EFHC2: variants seen among roughly 807,000 people sequenced by gnomAD.
The protein encoded by EFHC2 is EF-hand domain-containing family member C2.
In EFHC2, 18 loss-of-function variants were observed where a neutral mutation model predicts 52.7. The observed-to-expected ratio is 0.34, with a 90% CI of 0.24 to 0.51. The LOEUF (loss-of-function observed/expected upper bound fraction) is 0.51. Ranked by LOEUF, EFHC2 falls within the 20% of genes least tolerant of loss-of-function variation. EFHC2 has a pLI of 0.97. For missense variants in EFHC2, 513 were observed against 562.5 expected, an observed-to-expected ratio of 0.91 and a Z score of 0.89; for synonymous variants, 203 against 204.1, an observed-to-expected ratio of 0.99 and a Z score of 0.04.
chrX:44,301,393 T>C (rs1369013231), intron 2 of EFHC2, among the ~76,000 whole-genome samples: 2 of 111,092 alleles, frequency 1.8e-5, no homozygotes, highest in African/African-American at 6.5e-5. Context: ...TTGAGTAATA[T>C]TAAAACTCTG....
At chrX:44,331,414 A>G (rs1039054924) in intron 1 of EFHC2, among the ~76,000 whole-genome samples, 1 of 111,913 alleles carries the variant, frequency 8.9e-6, no homozygotes, top group African/African-American at 3.3e-5. Flanking sequence ...AGGTGTGGTT[A>G]TAAAAGGACA....
intron 11 of EFHC2, among the ~76,000 whole-genome samples, chrX:44,183,813 T>G (rs1377872879): frequency 1.8e-5 from 2 of 110,950 alleles, no homozygotes; most frequent in Non-Finnish European, 3.8e-5. Flanking sequence ...AAAAAAGGGG[T>G]CACTGTAGAC....
chrX:44,327,378 G>A (rs2038059474), intron 1 of EFHC2, among the ~76,000 whole-genome samples: 1 of 111,453 alleles, frequency 9.0e-6, no homozygotes, highest in South Asian at 3.8e-4. Context: ...CTGGAAATTT[G>A]GGAATTGAAG....
chrX:44,202,156 A>C (rs938534777), intron 11 of EFHC2, among the ~76,000 whole-genome samples: 1 of 112,533 alleles, frequency 8.9e-6, no homozygotes, highest in Non-Finnish European at 1.9e-5. Flanking sequence ...AATTCAAAAA[A>C]TAAAATGAGA....
intron 14 of EFHC2, among the ~76,000 whole-genome samples, chrX:44,153,228 A>C (rs1388915417): frequency 8.9e-6 from 1 of 112,259 alleles, no homozygotes; most frequent in Non-Finnish European, 1.9e-5. Context: ...CTTGGGCACA[A>C]GGAAACTCAA....
chrX:44,192,466 C>T lies in EFHC2; in HGVS notation c.1752-13902G>A, dbSNP rs555588781. Among the ~76,000 whole-genome samples the T allele has an allele frequency of 2.8e-4, 31 of 111,610 alleles. No homozygotes were observed. The South Asian group carries it at 0.012, about 42-fold the overall frequency. On this transcript the variant is annotated intron_variant, in intron 11 of 14. Coordinates refer to ENST00000420999, the MANE Select transcript of EFHC2 (RefSeq NM_025184.4). ...ATTCTTATAAGAGTCTTCTATGTGA[C>T]CTTTCACATTTTTACCAAGGTATAT...
intron 10 of EFHC2, 143 bp from the exon 11 acceptor site, chrX:44,229,922 G>A (rs1474403258): frequency 1.8e-6 from 1 of 569,024 alleles, no homozygotes; most frequent in Non-Finnish European, 2.7e-6. Flanking sequence ...CCAACACCGA[G>A]AAGGCATGAC....
intron 2 of EFHC2, chrX:44,310,159 C>T: frequency 2.9e-6 from 2 of 688,383 alleles, no homozygotes. Context: ...GACAGGTCCA[C>T]CTCCTCGGTG....
At chrX:44,247,009 C>T (rs2037405746) in intron 7 of EFHC2, among the ~76,000 whole-genome samples, 2 of 112,066 alleles carry the variant, frequency 1.8e-5, no homozygotes, top group South Asian at 7.5e-4. Context: ...GGGCCACCAG[C>T]AGCTTCTCTA....
intron 2 of EFHC2, among the ~76,000 whole-genome samples, chrX:44,280,308 A>G (rs2037692989): frequency 8.9e-6 from 1 of 111,762 alleles, no homozygotes; most frequent in African/African-American, 3.3e-5. Flanking sequence ...TTTCCCAATT[A>G]GGAAATATGA....
chrX:44,218,431 AT>A (rs1340303366), intron 11 of EFHC2, among the ~76,000 whole-genome samples: 1 of 111,623 alleles, frequency 9.0e-6, no homozygotes, highest in Non-Finnish European at 1.9e-5. Context: ...AAACTCTTCC[AT>A]TTCAAAATTA....
chrX:44,290,256 T>C (rs948458732), intron 2 of EFHC2, among the ~76,000 whole-genome samples: 1 of 111,352 alleles, frequency 9.0e-6, no homozygotes, highest in Non-Finnish European at 1.9e-5. Context: ...TATAATGCAT[T>C]TTTAGATTCC....
intron 13 of EFHC2, among the ~76,000 whole-genome samples, chrX:44,172,058 T>A (rs1248954959): frequency 1.8e-5 from 2 of 111,809 alleles, no homozygotes; most frequent in Non-Finnish European, 3.8e-5. Context: ...CAAGGCTGGG[T>A]AGACTATAAT....
intron 14 of EFHC2, among the ~76,000 whole-genome samples, chrX:44,157,032 C>T (rs1458622949): frequency 8.9e-6 from 1 of 112,212 alleles, no homozygotes; most frequent in South Asian, 3.7e-4. Flanking sequence ...GGCTACAGGC[C>T]ATTGGCTACA....
chrX:44,275,166 T>A (rs2037646955), intron 2 of EFHC2, among the ~76,000 whole-genome samples: 1 of 111,667 alleles, frequency 9.0e-6, no homozygotes, highest in African/African-American at 3.3e-5. Context: ...ATGTAATCAT[T>A]AAATATTTAT....
chrX:44,207,094 G>A (rs948723129), intron 11 of EFHC2, among the ~76,000 whole-genome samples: 2 of 112,005 alleles, frequency 1.8e-5, no homozygotes, highest in African/African-American at 6.5e-5. Context: ...CTTTGACAAA[G>A]CTGACAAAAA....
Position 44,248,897 on chromosome X carries a change from T to A in EFHC2, c.878A>T (p.Tyr293Phe), listed in dbSNP as rs754623410. The change falls in exon 6 of 15, where the codon TAT becomes TTT. Residue 293 changes from tyrosine (Y) to phenylalanine (F), a missense_variant. Transcript: ENST00000420999. Reference protein sequence around the residue: ...KLPKNCPPRVYQPGQITDRAV... With the variant: ...KLPKNCPPRVFQPGQITDRAV... Reference sequence around the variant, plus strand: ...TCGATCTGTTATCTGGCCTGGTTGATAGACTCTAGGTGGGCAATTCTGGAA... The same window carrying A: ...TCGATCTGTTATCTGGCCTGGTTGAAAGACTCTAGGTGGGCAATTCTGGAA... The A allele has an allele frequency of 4.2e-6, 5 of 1,203,456 alleles. No individual in the cohort carries two copies. The East Asian group carries it at 1.2e-4, about 29-fold the overall frequency.
chrX:44,179,436 C>T (rs1321376131), intron 11 of EFHC2, among the ~76,000 whole-genome samples: 1 of 111,988 alleles, frequency 8.9e-6, no homozygotes, highest in African/African-American at 3.2e-5. Flanking sequence ...TTTATTTGGC[C>T]TTCTGCTAGA....
Position 44,242,281 on chromosome X carries a change from T to C in EFHC2, c.1120A>G (p.Thr374Ala), listed in dbSNP as rs1361802976. 1 of 1,205,834 alleles carries C rather than the reference T, an allele frequency of 8.3e-7. No individual in the cohort carries two copies. The highest frequency in any genetic ancestry group is 1.1e-6 in the Non-Finnish European group (1 of 893,043). The change falls in exon 8 of 15, where the codon ACC becomes GCC. Residue 374 changes from threonine (T) to alanine (A), a missense_variant. Thr to Ala is a moderately conservative substitution (Grantham distance 58). Transcript: ENST00000420999. ...GAAGGAGGCTTGCATGAAACTGAGG[T>C]AAAGTTCTCTAGAACAAAACAAAGG... ...YKSKYGIENFTSVSCKPPSPP... is the reference protein window; with the variant it reads ...YKSKYGIENFASVSCKPPSPP...
Sources: allele counts gnomAD v4.1 joint callset (sites outside exome capture counted in the v4.1 genomes callset), GRCh38; gene constraint gnomAD v4.1.1; transcripts MANE v1.5; gene names NCBI Gene and HGNC (gene_info 2026-07-23, HGNC 2026-07-21).